DEFB110: variants seen among roughly 807,000 people sequenced by gnomAD.
DEFB110 encodes beta-defensin 110.
A neutral mutation model predicts 2.5 loss-of-function variants in DEFB110; 4 were observed. The ratio of observed to expected loss-of-function variants is 1.60; its 90% CI spans 0.79 to 3.66. The LOEUF is 3.66. Among genes scored for constraint, DEFB110 ranks in the 30% most tolerant of loss-of-function variants. The pLI, the probability that DEFB110 is intolerant of heterozygous loss-of-function variation, is 0.01. For synonymous variants in DEFB110, 29 were observed against 21.8 expected, an observed-to-expected ratio of 1.33 and a Z score of -0.92; for missense variants, 94 against 75.4, an observed-to-expected ratio of 1.25 and a Z score of -0.91.
rs763727685 is a variant in DEFB110 at position 50,019,063 on chromosome 6, C to A, written c.118G>T (p.Gly40Cys). The A allele has an allele frequency of 5.0e-6, 8 of 1,613,200 alleles. No individual in the cohort carries two copies. The South Asian group carries it at 7.7e-5, about 16-fold the overall frequency. The change falls in exon 2 of 2, where the codon GGT becomes TGT. Residue 40 changes from glycine to cysteine, a missense_variant. Gly to Cys is a radical substitution (Grantham distance 159). Transcript: ENST00000371148. ...TCATGACACTGATTTTTACATTGAC[C>A]ATTACCTATTCTGCACTCTCTCCTC... ...DLRRECRIGN[G>C]QCKNQCHENE...
downstream of DEFB110, among the ~76,000 whole-genome samples, chr6:50,014,626 C>T (rs1477133728): frequency 6.6e-6 from 1 of 151,722 alleles, no homozygotes; most frequent in African/African-American, 2.4e-5. Flanking sequence ...TACCTACAGC[C>T]TACTCAACTT....
intron 1 of DEFB110, chr6:50,009,404 G>A: frequency 1.2e-6 from 1 of 869,278 alleles, no homozygotes; most frequent in Non-Finnish European, 1.7e-6. Flanking sequence ...ACGTCAAGTT[G>A]TTTTGTAGCA....
rs1391675453 is a variant in DEFB110 at position 50,010,663 on chromosome 6, T to A, written c.56-1392A>T. 2.6e-5 allele frequency among the ~76,000 whole-genome samples: 4 copies of A among 151,618 alleles called. No individual in the cohort carries two copies. The East Asian group carries it at 7.7e-4, about 29-fold the overall frequency. On this transcript the variant is annotated intron_variant, in intron 1 of 1. Transcript: ENST00000393660. ...TAGTGAATGGTAAACTAATTTATAA[T>A]GACAGAATCCCTACCTTTGGTGAAT...
intron 1 of DEFB110, among the ~76,000 whole-genome samples, chr6:50,021,238 T>C (rs1429163282): frequency 2.6e-5 from 4 of 152,294 alleles, no homozygotes; most frequent in Admixed American, 6.5e-5. Flanking sequence ...TCTAAGGGGC[T>C]GTTCCATGCA....
intron 1 of DEFB110, among the ~76,000 whole-genome samples, chr6:50,010,738 G>T (rs1774213086): frequency 6.6e-6 from 1 of 151,428 alleles, no homozygotes; most frequent in South Asian, 2.1e-4. Context: ...ATAATTTAAA[G>T]TCAGGAAGAC....
intron 1 of DEFB110, among the ~76,000 whole-genome samples, chr6:50,013,503 G>A (rs1774266364): frequency 6.6e-6 from 1 of 151,674 alleles, no homozygotes; most frequent in African/African-American, 2.4e-5. Context: ...TATCATGAAT[G>A]GAGTGGTAAA....
rs138544775 is a variant in DEFB110, at chr6:50,012,442, A to G, written c.56-3171T>C. Among the ~76,000 whole-genome samples, 1,061 of 152,094 alleles carry G rather than the reference A, an allele frequency of 7.0e-3. 20 individuals carry two copies. The highest frequency in any genetic ancestry group is 0.024 in the African/African-American group (979 of 41,544). ...ATAGGGACCTAATTCATATTATATAATAAAAAACTCTATGTTTTATTACAT... is the reference window on the plus strand; with the variant it reads ...ATAGGGACCTAATTCATATTATATAGTAAAAAACTCTATGTTTTATTACAT... On this transcript the variant is annotated intron_variant, in intron 1 of 1. Transcript: ENST00000393660.
chr6:50,018,832 A>G, downstream of DEFB110: 1 of 1,353,616 alleles, frequency 7.4e-7, no homozygotes, highest in Non-Finnish European at 9.4e-7. Flanking sequence ...AGCGTGACAT[A>G]TGATCACTTC....
intron 1 of DEFB110, among the ~76,000 whole-genome samples, chr6:50,009,734 T>C (rs932908055): frequency 2.0e-5 from 3 of 152,138 alleles, no homozygotes; most frequent in Admixed American, 6.6e-5. Flanking sequence ...AGACTTCTAA[T>C]GTACTAACTT....
downstream of DEFB110, among the ~76,000 whole-genome samples, chr6:50,016,262 A>G (rs1774314307): frequency 6.6e-6 from 1 of 151,804 alleles, no homozygotes; most frequent in Non-Finnish European, 1.5e-5. Context: ...CTTTTAATTG[A>G]TTCATATGGG....
At chr6:50,020,993 C>T (rs1774409598) in intron 1 of DEFB110, among the ~76,000 whole-genome samples, 1 of 152,054 alleles carries the variant, frequency 6.6e-6, no homozygotes, top group Admixed American at 6.6e-5. Flanking sequence ...TTCTCTTATT[C>T]ATTCTTTGTC....
chr6:50,009,181 T>G, exon 2 of DEFB110: 1 of 1,611,320 alleles, frequency 6.2e-7, no homozygotes, highest in Non-Finnish European at 8.5e-7. Flanking sequence ...GTATCCATAA[T>G]CATACTCAAC....
chr6:50,018,766 C>T, downstream of DEFB110: 1 of 1,222,542 alleles, frequency 8.2e-7, no homozygotes, highest in Non-Finnish European at 1.0e-6. Flanking sequence ...ATAAGTCCTG[C>T]TACTTCTGGT....
downstream of DEFB110, among the ~76,000 whole-genome samples, chr6:50,015,848 G>A (rs76635395): frequency 0.028 from 4,295 of 151,780 alleles, 83 homozygotes; most frequent in Non-Finnish European, 0.044. Context: ...TATATTGAAT[G>A]TAGTTTAACC....
At chr6:50,011,631 T>C (rs991098151) in intron 1 of DEFB110, among the ~76,000 whole-genome samples, 2 of 151,972 alleles carry the variant, frequency 1.3e-5, no homozygotes, top group Admixed American at 6.6e-5. Flanking sequence ...TTTTTCCAAA[T>C]GGTATGCGGA....
chr6:50,018,040 G>T (rs138667220), downstream of DEFB110, among the ~76,000 whole-genome samples: 473 of 151,942 alleles, frequency 3.1e-3, no homozygotes, highest in Non-Finnish European at 4.7e-3. Context: ...AATTAATATG[G>T]ATTGTTAAAT....
downstream of DEFB110, among the ~76,000 whole-genome samples, chr6:50,016,676 G>C (rs978863254): frequency 4.6e-5 from 7 of 151,220 alleles, no homozygotes; most frequent in African/African-American, 7.3e-5. Context: ...GGTTTCTAGA[G>C]TTTTCAGTCT....
intron 1 of DEFB110, among the ~76,000 whole-genome samples, chr6:50,020,937 G>T (rs1582370034): frequency 1.3e-5 from 2 of 152,210 alleles, no homozygotes; most frequent in Admixed American, 1.3e-4. Context: ...GTTCTGTCAT[G>T]TTTGGCACTG....
At chr6:50,015,666 T>C (rs1774303965), downstream of DEFB110, among the ~76,000 whole-genome samples, 1 of 151,886 alleles carries the variant, frequency 6.6e-6, no homozygotes, top group South Asian at 2.1e-4. Flanking sequence ...GATAATTTGC[T>C]TATTTCTATT....
Sources: allele counts gnomAD v4.1 joint callset (sites outside exome capture counted in the v4.1 genomes callset), GRCh38; gene constraint gnomAD v4.1.1; transcripts MANE v1.5; gene names NCBI Gene and HGNC (gene_info 2026-07-23, HGNC 2026-07-21).